The following POLA2 variants were observed in gnomAD, a reference collection of about 807,000 sequenced individuals.
The protein encoded by POLA2 is DNA polymerase alpha 2, accessory subunit.
Under a neutral mutation model 82.8 loss-of-function variants are expected in POLA2, and 47 were observed. The observed-to-expected ratio is 0.57, with a 90% CI of 0.45 to 0.72. The LOEUF (loss-of-function observed/expected upper bound fraction) is 0.72. Among genes scored for constraint, POLA2 ranks in the 30% least tolerant of loss-of-function variants. The pLI is 0.00. For synonymous variants in POLA2, 287 were observed against 286.8 expected, an observed-to-expected ratio of 1.00 and a Z score of -0.01; for missense variants, 634 against 728.1, an observed-to-expected ratio of 0.87 and a Z score of 1.49.
chr11:65,296,965 A>AG (rs1300892974), intron 17 of POLA2, among the ~76,000 whole-genome samples, 155 bp from the exon 18 acceptor site: 5 of 151,972 alleles, frequency 3.3e-5, no homozygotes, highest in African/African-American at 1.2e-4. Flanking sequence ...AAAAAAAAAA[A>AG]AAGTGACTGA....
intron 1 of POLA2, 48 bp downstream of exon 1, chr11:65,262,419 C>G (rs1949409644): frequency 1.3e-6 from 2 of 1,513,698 alleles, no homozygotes; most frequent in Non-Finnish European, 1.8e-6. Context: ...CACGCTCTCG[C>G]CCGAGTTCCT....
downstream of POLA2, among the ~76,000 whole-genome samples, chr11:65,300,419 C>T (rs1949853461): frequency 6.7e-6 from 1 of 149,560 alleles, no homozygotes; most frequent in African/African-American, 2.6e-5. Flanking sequence ...TGGTCTCAAA[C>T]TCCTGACCTC....
At chr11:65,294,515 A>T (rs914547924) in intron 14 of POLA2, 31 bp from the exon 15 acceptor site, 3 of 1,566,332 alleles carry the variant, frequency 1.9e-6, no homozygotes, top group Admixed American at 3.4e-5. Context: ...TTTGGCATAC[A>T]AATGTTTGTT....
At chr11:65,280,908 T>C in intron 7 of POLA2, 84 bp from the exon 8 acceptor site, 1 of 1,355,026 alleles carries the variant, frequency 7.4e-7, no homozygotes, top group South Asian at 1.3e-5. Context: ...TTGCAGTTTG[T>C]TTTGCTATTC....
intron 11 of POLA2, 78 bp downstream of exon 11, chr11:65,287,918 A>C: frequency 7.3e-7 from 1 of 1,371,310 alleles, no homozygotes; most frequent in Non-Finnish European, 1.0e-6. Context: ...TTTAGGAAGC[A>C]TGTCAGTCCC....
downstream of POLA2, among the ~76,000 whole-genome samples, chr11:65,300,848 T>C (rs1465089724): frequency 6.6e-6 from 1 of 152,224 alleles, no homozygotes; most frequent in African/African-American, 2.4e-5. Context: ...TCCCAGAGTG[T>C]TGGGATTACA....
At chr11:65,296,668 C>T (rs764709096) in intron 17 of POLA2, among the ~76,000 whole-genome samples, 2 of 152,046 alleles carry the variant, frequency 1.3e-5, no homozygotes, top group Admixed American at 6.6e-5. Flanking sequence ...TGACTGAGGC[C>T]GGGCGCAGTG....
intron 13 of POLA2, among the ~76,000 whole-genome samples, chr11:65,293,234 C>G (rs1454548516): frequency 6.6e-6 from 1 of 152,048 alleles, no homozygotes; most frequent in Non-Finnish European, 1.5e-5. Flanking sequence ...TTCTGCCTCC[C>G]ACTGGAAATG....
intron 12 of POLA2, among the ~76,000 whole-genome samples, chr11:65,289,512 C>T (rs1484274471): frequency 1.3e-5 from 2 of 152,206 alleles, no homozygotes; most frequent in Admixed American, 1.3e-4. Context: ...GGTCTGGGAC[C>T]TCCAATCCTT....
chr11:65,279,492 T>C (rs760959984), intron 6 of POLA2, 46 bp from the exon 7 acceptor site: 1 of 1,252,088 alleles, frequency 8.0e-7, no homozygotes, highest in Non-Finnish European at 1.1e-6. Context: ...TCTTGGCAAG[T>C]GAAATGTCTT....
chr11:65,289,555 A>G (rs1474324995), intron 12 of POLA2, among the ~76,000 whole-genome samples: 5 of 152,200 alleles, frequency 3.3e-5, no homozygotes, highest in Non-Finnish European at 7.3e-5. Flanking sequence ...CATGGAAAAT[A>G]TTTCAAAGTA....
At chr11:65,291,824 A>G (rs1949758523) in intron 13 of POLA2, among the ~76,000 whole-genome samples, 1 of 152,264 alleles carries the variant, frequency 6.6e-6, no homozygotes, top group Non-Finnish European at 1.5e-5. Flanking sequence ...TGTGTGCCAC[A>G]GGGCAGGGGG....
chr11:65,289,665 T>C, intron 12 of POLA2, 134 bp from the exon 13 acceptor site: 2 of 613,988 alleles, frequency 3.3e-6, no homozygotes, highest in Non-Finnish European at 5.8e-6. Flanking sequence ...ACAAAGACCA[T>C]GTCTTTTTCA....
chr11:65,273,764 G>T (rs1949546497), intron 4 of POLA2, among the ~76,000 whole-genome samples: 1 of 151,672 alleles, frequency 6.6e-6, no homozygotes, highest in Non-Finnish European at 1.5e-5. Context: ...AAAATGCTAG[G>T]ATTACAGGCA....
chr11:65,281,794 G>A, intron 9 of POLA2, 62 bp downstream of exon 9: 2 of 1,323,536 alleles, frequency 1.5e-6, no homozygotes, highest in South Asian at 1.2e-5. Context: ...TCTGGAAGCT[G>A]TCTGTTCTAG....
intron 10 of POLA2, among the ~76,000 whole-genome samples, chr11:65,283,968 C>CA (rs879880217): frequency 0.018 from 1,761 of 95,628 alleles, 29 homozygotes; most frequent in African/African-American, 0.054. Context: ...CCTGTCTCTA[C>CA]AAAAAAAAAA....
At chr11:65,290,276 G>A (rs369939854) in intron 13 of POLA2, among the ~76,000 whole-genome samples, 9 of 147,298 alleles carry the variant, frequency 6.1e-5, no homozygotes, top group East Asian at 2.0e-4. Context: ...AAAGCTGGGC[G>A]TGGTGGCTCA....
intron 4 of POLA2, among the ~76,000 whole-genome samples, chr11:65,272,610 A>G (rs894633087): frequency 6.6e-6 from 1 of 152,244 alleles, no homozygotes; most frequent in Non-Finnish European, 1.5e-5. Context: ...CTAGTAAATT[A>G]ATAAACTGGC....
rs370249013 is a variant in POLA2 at position 65,295,576 on chromosome 11, C to T, written c.1497C>T (p.Leu499=). ...CTTCAGACAGATTCAGCCGAATACT[C>T]AAGCACATCTTGACCCAGAGGAGGT... The part of the protein sequence containing the change: ...SGTSDRFSRI[L]KHILTQRSYY... Residue 499 remains leucine (L), a synonymous_variant, in exon 16 of 18, where the codon CTC becomes CTT. Coordinates refer to ENST00000265465, the MANE Select transcript of POLA2 (RefSeq NM_002689.4). 3 of 1,613,942 alleles carry T rather than the reference C, an allele frequency of 1.9e-6. No homozygotes were observed. In the African/African-American group the frequency reaches 4.0e-5, roughly 22 times the overall value.
Sources: allele counts gnomAD v4.1 joint callset (sites outside exome capture counted in the v4.1 genomes callset), GRCh38; gene constraint gnomAD v4.1.1; transcripts MANE v1.5; gene names NCBI Gene and HGNC (gene_info 2026-07-23, HGNC 2026-07-21).